Variants in RGS20 observed in about 807,000 individuals in gnomAD.
RGS20 encodes regulator of G protein signaling 20, also known as gz-selective GTPase-activating protein.
In RGS20, 30 loss-of-function variants were observed where a neutral mutation model predicts 33.6. The observed-to-expected ratio is 0.89, with a 90% CI of 0.67 to 1.21. RGS20 has a LOEUF of 1.21. RGS20 is among the 50% of genes most tolerant of loss of function. The pLI, the probability that RGS20 is intolerant of heterozygous loss-of-function variation, is 0.00. For synonymous variants in RGS20, 208 were observed against 197.9 expected, an observed-to-expected ratio of 1.05 and a Z score of -0.43; for missense variants, 472 against 502.4, an observed-to-expected ratio of 0.94 and a Z score of 0.58.
intron 5 of RGS20, among the ~76,000 whole-genome samples, 167 bp from the exon 5 acceptor site, chr8:53,958,103 T>A (rs914005415): frequency 6.6e-6 from 1 of 151,840 alleles, no homozygotes; most frequent in Non-Finnish European, 1.5e-5. Flanking sequence ...GCCACTGCAC[T>A]CCAGCCTGGG....
chr8:53,935,166 C>G (rs1814093539), intron 2 of RGS20, among the ~76,000 whole-genome samples: 1 of 152,120 alleles, frequency 6.6e-6, no homozygotes, highest in South Asian at 2.1e-4. Flanking sequence ...CAGGAAAAAT[C>G]TAGAATTGAC....
At chr8:53,879,032 T>C (rs1245527914) in intron 1 of RGS20, among the ~76,000 whole-genome samples, 1 of 152,050 alleles carries the variant, frequency 6.6e-6, no homozygotes, top group Non-Finnish European at 1.5e-5. Context: ...CTCCTAGGTG[T>C]TGGCGAAGCT....
intron 3 of RGS20, among the ~76,000 whole-genome samples, chr8:53,941,765 C>T (rs1726048438): frequency 6.6e-6 from 1 of 152,134 alleles, no homozygotes; most frequent in African/African-American, 2.4e-5. Flanking sequence ...AGAAAATGAA[C>T]TATTCAGTAA....
Position 53,941,558 on chromosome 8 carries a change from G to A in RGS20, c.659+1834G>A, listed in dbSNP as rs1051219475. Reference sequence around the variant, plus strand: ...TGTTAAAAAGTGTGAAACCAAAGCTGTAAACAATCTCATGTCAATGACATA... The same window carrying A: ...TGTTAAAAAGTGTGAAACCAAAGCTATAAACAATCTCATGTCAATGACATA... On this transcript the variant is annotated intron_variant, in intron 3 of 5. Transcript: ENST00000297313. Among the ~76,000 whole-genome samples the A allele has an allele frequency of 3.9e-5, 6 of 152,254 alleles. No individual in the cohort carries two copies. The East Asian group carries it at 1.2e-3, about 29-fold the overall frequency.
chr8:53,949,509 G>A (rs1814650487), intron 4 of RGS20, among the ~76,000 whole-genome samples: 1 of 151,888 alleles, frequency 6.6e-6, no homozygotes, highest in African/African-American at 2.4e-5. Flanking sequence ...CTGAGGTCAG[G>A]AGTTTGAGAC....
chr8:53,883,239 C>A (rs1448144446), intron 2 of RGS20, among the ~76,000 whole-genome samples: 1 of 151,946 alleles, frequency 6.6e-6, no homozygotes, highest in Admixed American at 6.6e-5. Flanking sequence ...TCACTGCAAC[C>A]TCCGCCTCCT....
intron 1 of RGS20, among the ~76,000 whole-genome samples, chr8:53,873,108 T>C (rs1264503012): frequency 1.3e-5 from 2 of 152,108 alleles, no homozygotes; most frequent in African/African-American, 2.4e-5. Context: ...TTTAAAAACA[T>C]GTAGTACTTC....
At chr8:53,906,059 C>T (rs552069706) in intron 2 of RGS20, among the ~76,000 whole-genome samples, 3 of 152,300 alleles carry the variant, frequency 2.0e-5, no homozygotes, top group Admixed American at 1.3e-4. Flanking sequence ...GGGTCCCCCT[C>T]CTCCACCCAC....
intron 3 of RGS20, 36 bp from the exon 3 acceptor site, chr8:53,946,629 C>G: frequency 6.5e-7 from 1 of 1,528,554 alleles, no homozygotes; most frequent in African/African-American, 1.4e-5. Flanking sequence ...TTGGCAGGGA[C>G]TGAGCTGTCA....
chr8:53,879,320 T>TA lies in RGS20; in HGVS notation c.229dup (p.Ser77LysfsTer141), dbSNP rs1812282372. ...CCCCGAAGCTGTTCGGCCTCCTTTC[T>TA]AGCCCGCTTTCCAGCCTCGCAAGGT... On this transcript the variant is annotated frameshift_variant, in exon 2 of 6. Coordinates refer to ENST00000297313, the MANE Select transcript of RGS20 (RefSeq NM_170587.4). LOFTEE classifies it high-confidence loss of function. The TA allele has an allele frequency of 6.2e-7, 1 of 1,613,260 alleles. No homozygotes were observed. Among genetic ancestry groups the TA allele is most frequent in the African/African-American group, 1.3e-5 (1 of 74,902 alleles).
intron 2 of RGS20, among the ~76,000 whole-genome samples, chr8:53,937,277 A>T (rs1312067522): frequency 6.6e-6 from 1 of 152,000 alleles, no homozygotes; most frequent in Non-Finnish European, 1.5e-5. Flanking sequence ...TGTACCCTAG[A>T]ACTTAAAGTA....
intron 2 of RGS20, among the ~76,000 whole-genome samples, chr8:53,894,189 G>A (rs1329586830): frequency 6.6e-6 from 1 of 152,160 alleles, no homozygotes; most frequent in Non-Finnish European, 1.5e-5. Context: ...TTGTCTTACT[G>A]AAAGGTTATA....
intron 1 of RGS20, among the ~76,000 whole-genome samples, chr8:53,857,350 A>G (rs1330591510): frequency 2.0e-5 from 3 of 152,220 alleles, no homozygotes; most frequent in Non-Finnish European, 4.4e-5. Flanking sequence ...TTGGGTTCTC[A>G]GTGAGCAGTA....
At chr8:53,957,175 G>A (rs1343292197) in intron 5 of RGS20, among the ~76,000 whole-genome samples, 1 of 152,202 alleles carries the variant, frequency 6.6e-6, no homozygotes, top group African/African-American at 2.4e-5. Context: ...TGCCCAGGCT[G>A]GAGTGCAGTG....
chr8:53,943,121 G>A (rs1422368037), intron 3 of RGS20, among the ~76,000 whole-genome samples: 1 of 152,094 alleles, frequency 6.6e-6, no homozygotes, highest in Non-Finnish European at 1.5e-5. Context: ...ATTATGAATT[G>A]GAATGGTAAA....
At chr8:53,881,182 C>A in intron 2 of RGS20, 98 bp downstream of exon 1, 2 of 880,838 alleles carry the variant, frequency 2.3e-6, no homozygotes, top group South Asian at 4.0e-5. Flanking sequence ...GCGCGCCGCT[C>A]GTCCGGACCT....
chr8:53,950,335 T>G (rs1390070043), intron 4 of RGS20, among the ~76,000 whole-genome samples: 1 of 152,054 alleles, frequency 6.6e-6, no homozygotes, highest in Non-Finnish European at 1.5e-5. Context: ...TGAAATACAG[T>G]TTGAGTTTCC....
At chr8:53,888,050 T>C (rs1250761991) in intron 2 of RGS20, among the ~76,000 whole-genome samples, 1 of 152,208 alleles carries the variant, frequency 6.6e-6, no homozygotes, top group Non-Finnish European at 1.5e-5. Flanking sequence ...CTTACATGTA[T>C]GGGGTCTTCC....
At chr8:53,889,497 A>G (rs1453489056) in intron 2 of RGS20, among the ~76,000 whole-genome samples, 6 of 130,644 alleles carry the variant, frequency 4.6e-5, no homozygotes, top group African/African-American at 1.8e-4. Context: ...GCAGTGGCAC[A>G]ATTAGCCGTG....
Sources: allele counts gnomAD v4.1 joint callset (sites outside exome capture counted in the v4.1 genomes callset), GRCh38; gene constraint gnomAD v4.1.1; transcripts MANE v1.5; gene names NCBI Gene and HGNC (gene_info 2026-07-23, HGNC 2026-07-21).